DCDC1: variants seen among roughly 807,000 people sequenced by gnomAD.
The protein encoded by DCDC1 is doublecortin domain containing 1.
DCDC1 carries 200 observed loss-of-function variants against 178.3 expected under a neutral mutation model. That is an observed-to-expected ratio of 1.12 (90% confidence interval 1.00 to 1.26). The LOEUF is 1.26. Ranked by LOEUF, DCDC1 falls within the 50% of genes most tolerant of loss-of-function variation. The pLI, the probability that DCDC1 is intolerant of heterozygous loss-of-function variation, is 0.00. For synonymous variants in DCDC1, 690 were observed against 604.8 expected (o/e 1.14, Z -2.07); for missense variants, 1,983 against 1,749.2 (o/e 1.13, Z -2.38).
intron 38 of DCDC1, among the ~76,000 whole-genome samples, chr11:30,872,232 T>A (rs1441562673): frequency 6.6e-6 from 1 of 152,014 alleles, no homozygotes. Flanking sequence ...CCTAGTGCCA[T>A]TTTTTGTTGT....
chr11:31,260,527 T>G (rs1210272765), intron 8 of DCDC1, among the ~76,000 whole-genome samples: 2 of 152,192 alleles, frequency 1.3e-5, no homozygotes, highest in Admixed American at 1.3e-4. Context: ...AAGTGAACAT[T>G]CAGTATGTCC....
At chr11:31,147,559 T>C (rs561015886) in intron 9 of DCDC1, among the ~76,000 whole-genome samples, 31 of 152,286 alleles carry the variant, frequency 2.0e-4, no homozygotes, top group Non-Finnish European at 4.1e-4. Context: ...ATATTAACCA[T>C]TATAATATAT....
chr11:31,247,291 A>T (rs1183084038), intron 8 of DCDC1, among the ~76,000 whole-genome samples: 1 of 151,756 alleles, frequency 6.6e-6, no homozygotes, highest in Non-Finnish European at 1.5e-5. Context: ...TTTTTCTTAA[A>T]CTGAACGAAG....
chr11:30,887,469 TAAC>T (rs2134010948), intron 36 of DCDC1, among the ~76,000 whole-genome samples: 1 of 152,330 alleles, frequency 6.6e-6, no homozygotes, highest in Non-Finnish European at 1.5e-5. Flanking sequence ...GTATGTAGCC[TAAC>T]GTTAACTTTG....
chr11:31,117,146 A>G (rs933035629), intron 11 of DCDC1, among the ~76,000 whole-genome samples: 1 of 152,108 alleles, frequency 6.6e-6, no homozygotes, highest in African/African-American at 2.4e-5. Flanking sequence ...AATTATATTC[A>G]GCCTCATTGG....
In DCDC1 at chr11:31,335,482, A is replaced by G. The variant is rs1950224281; in HGVS notation, c.-42T>C. The G allele has an allele frequency of 6.6e-6, 1 of 152,292 alleles. No individual in the cohort carries two copies. 9.4% of individuals were successfully genotyped at this position (152,292 alleles called of 1,614,324 possible). ...AATGCAGAAATCACCCATCTTCTAC[A>G]TTAATCACGCTGGGAGCTGCAGGCT... On this transcript the variant is annotated 5_prime_UTR_variant, in exon 2 of 39. The change abolishes an upstream ATG in the 5' untranslated region. Coordinates refer to ENST00000684477, the MANE Select transcript of DCDC1 (RefSeq NM_001387274.1).
In DCDC1 at chr11:31,290,783, CT is replaced by C. The variant is rs1433092079; in HGVS notation, c.823del (p.Arg275AspfsTer12). On this transcript the variant is annotated frameshift_variant, in exon 7 of 39. Transcript: ENST00000684477. LOFTEE classifies it high-confidence loss of function. Reference protein sequence around the residue: ...NGLMLPTDIKRRKTKPVLSIR... With the variant: ...NGLMLPTDIKXRKTKPVLSIR... ...AGAAAGAACAGGCTTGGTTTTCCGTCTTTTGATATCAGTAGGAAGCATCAAC... is the reference window on the plus strand; with the variant it reads ...AGAAAGAACAGGCTTGGTTTTCCGTCTTTGATATCAGTAGGAAGCATCAAC... The C allele has an allele frequency of 6.2e-7, 1 of 1,613,324 alleles. No homozygotes were observed. The highest frequency in any genetic ancestry group is 8.5e-7 in the Non-Finnish European group (1 of 1,179,572).
At chr11:31,259,759 T>C (rs188839710) in intron 8 of DCDC1, among the ~76,000 whole-genome samples, 12 of 152,266 alleles carry the variant, frequency 7.9e-5, no homozygotes, top group Admixed American at 5.9e-4. Flanking sequence ...AGAAGTTAGG[T>C]CACAGGTCAT....
intron 9 of DCDC1, among the ~76,000 whole-genome samples, chr11:31,202,366 C>A (rs942964627): frequency 2.6e-5 from 4 of 151,152 alleles, no homozygotes; most frequent in Non-Finnish European, 5.9e-5. Flanking sequence ...AGTTTGAGAT[C>A]AGCCTGGGCA....
At chr11:31,098,025 A>G (rs1958261056) in intron 15 of DCDC1, among the ~76,000 whole-genome samples, 1 of 152,212 alleles carries the variant, frequency 6.6e-6, no homozygotes. Context: ...TGCCGTTTCC[A>G]TCATACAGAA....
chr11:31,328,659 T>A (rs566876822), intron 2 of DCDC1, among the ~76,000 whole-genome samples: 1 of 151,664 alleles, frequency 6.6e-6, no homozygotes, highest in Non-Finnish European at 1.5e-5. Context: ...AATAAATAAA[T>A]TAGCCGGGTG....
Position 31,305,595 on chromosome 11 carries a change from A to G in DCDC1, c.754+20T>C, listed in dbSNP as rs776626906. ...AATTCAGTATGTGTGGGGGTAGGGT[A>G]TTTTTTAGATCTTTTTTACCTTTAA... On this transcript the variant is annotated intron_variant, in intron 6 of 38. Transcript: ENST00000684477. 50 of 1,612,156 alleles carry G rather than the reference A, an allele frequency of 3.1e-5. No homozygotes were observed. In the Middle Eastern group the frequency reaches 6.7e-4, roughly 22 times the overall value.
intron 36 of DCDC1, among the ~76,000 whole-genome samples, chr11:30,888,060 AAGAGAGAGAGAGAGAGAGAGAG>A (rs59618526): frequency 1.4e-5 from 1 of 73,462 alleles, no homozygotes; most frequent in African/African-American, 6.8e-5. Flanking sequence ...GAAAGAAAGA[AAGAGAGAGAGAGAGAGAGAGAG>A]AGAAAGAAAG....
intron 9 of DCDC1, among the ~76,000 whole-genome samples, chr11:31,220,635 A>G (rs769558621): frequency 6.6e-6 from 1 of 152,236 alleles, no homozygotes; most frequent in Non-Finnish European, 1.5e-5. Flanking sequence ...AAGACAAATC[A>G]ACTTTTTAAA....
At chr11:30,939,206 T>A (rs1204946711) in intron 21 of DCDC1, among the ~76,000 whole-genome samples, 1 of 152,168 alleles carries the variant, frequency 6.6e-6, no homozygotes, top group Non-Finnish European at 1.5e-5. Flanking sequence ...TTACCTCCAC[T>A]GTCTCCTGAA....
Position 30,920,833 on chromosome 11 carries a change from T to G in DCDC1, c.3236A>C (p.Glu1079Ala). The change falls in exon 25 of 39, where the codon GAA (glutamate) becomes GCA (alanine). Residue 1079 changes from glutamate (E) to alanine (A), a missense_variant. Glu to Ala is a moderately radical substitution (Grantham distance 107, BLOSUM62 -1). Transcript: ENST00000684477. ...FGEEKQVTEP[E>A]EKQMQEDPLT... Reference sequence around the variant, plus strand: ...AGGATCTTCTTGCATTTGCTTTTCTTCCGGTTCTGTAACTTGCTTCTCTTC... The same window carrying G: ...AGGATCTTCTTGCATTTGCTTTTCTGCCGGTTCTGTAACTTGCTTCTCTTC... 6.2e-7 allele frequency: 1 copy of G among 1,613,724 alleles called. No homozygotes were observed. The highest frequency in any genetic ancestry group is 2.2e-5 in the East Asian group (1 of 44,868).
In DCDC1 at chr11:31,028,418, T is replaced by C. The variant is rs75624427; in HGVS notation, c.2591+36051A>G. Among the ~76,000 whole-genome samples, 148 of 152,108 alleles carry C rather than the reference T, an allele frequency of 9.7e-4. 1 individual carries two copies. The East Asian group carries it at 0.024, about 24-fold the overall frequency. On this transcript the variant is annotated intron_variant, in intron 20 of 38. Transcript: ENST00000684477. ...GTATCATTTACAGTTCTTCTCACTA[T>C]GCACTCCCTATCAAATACGCTAACT...
intron 20 of DCDC1, among the ~76,000 whole-genome samples, chr11:30,986,227 A>G (rs1565155118): frequency 6.7e-6 from 1 of 149,640 alleles, no homozygotes; most frequent in African/African-American, 2.5e-5. Context: ...AGACAGCAAG[A>G]AAAAAAAAAG....
At chr11:31,333,431 C>T (rs1448658199) in intron 2 of DCDC1, among the ~76,000 whole-genome samples, 1 of 152,154 alleles carries the variant, frequency 6.6e-6, no homozygotes, top group Non-Finnish European at 1.5e-5. Flanking sequence ...ATGATGTTAG[C>T]TGGTTACTTT....
Sources: gnomAD v4.1 joint callset for allele counts (sites outside exome capture counted in the v4.1 genomes callset) on GRCh38, gnomAD v4.1.1 for gene constraint, MANE v1.5 for transcripts, NCBI Gene and HGNC (gene_info 2026-07-23, HGNC 2026-07-21) for gene names.